The following SLC35F3 variants were observed in gnomAD, a reference collection of about 807,000 sequenced individuals.
SLC35F3 encodes solute carrier family 35 member F3, also known as putative thiamine transporter SLC35F3.
A neutral mutation model predicts 49.9 loss-of-function variants in SLC35F3; 25 were observed. That is an observed-to-expected ratio of 0.50 (90% confidence interval 0.37 to 0.70). The LOEUF is 0.70. Among genes scored for constraint, SLC35F3 ranks in the 30% least tolerant of loss-of-function variants. SLC35F3 has a pLI of 0.00. For synonymous variants in SLC35F3, 275 were observed against 265.4 expected (o/e 1.04, Z -0.35); for missense variants, 525 against 639.8 (o/e 0.82, Z 1.94).
At chr1:234,021,447 C>T (rs1405384871) in intron 2 of SLC35F3, among the ~76,000 whole-genome samples, 2 of 152,162 alleles carry the variant, frequency 1.3e-5, no homozygotes, top group Admixed American at 1.3e-4. Context: ...AATGGCCCTA[C>T]CATTTAAAAT....
At position 234,092,821 on chromosome 1, in the gene SLC35F3, T is replaced by C. The variant is rs113774112; in HGVS notation, c.284-138596T>C. Among the ~76,000 whole-genome samples, 675 of 152,254 alleles carry C rather than the reference T, an allele frequency of 4.4e-3. 8 individuals carry two copies. Among genetic ancestry groups the C allele is most frequent in the African/African-American group, 0.015 (629 of 41,546 alleles). On this transcript the variant is annotated intron_variant, in intron 2 of 7. Transcript: ENST00000366618. Reference sequence around the variant, plus strand: ...AGTTCGAGGCTGCAGTGACCCATAATTGCACCAGTGCACTCCAGCCTGGAT... The same window carrying C: ...AGTTCGAGGCTGCAGTGACCCATAACTGCACCAGTGCACTCCAGCCTGGAT...
intron 3 of SLC35F3, among the ~76,000 whole-genome samples, chr1:234,278,517 G>A (rs547795): frequency 0.9 from 136,251 of 150,872 alleles, 61,529 homozygotes; most frequent in East Asian, 0.99. Context: ...GAAAAAAAAA[G>A]AGAAAAAACT....
intron 3 of SLC35F3, among the ~76,000 whole-genome samples, chr1:234,278,362 G>A (rs1000791188): frequency 2.6e-5 from 4 of 151,870 alleles, no homozygotes; most frequent in African/African-American, 9.7e-5. Flanking sequence ...CAATGGCACG[G>A]GCCTGTAGTC....
At chr1:234,077,972 C>G (rs1167579405) in intron 2 of SLC35F3, among the ~76,000 whole-genome samples, 1 of 152,176 alleles carries the variant, frequency 6.6e-6, no homozygotes. Context: ...TACTTCAGCT[C>G]TCCACCACTG....
chr1:234,139,993 A>G (rs185037230), intron 2 of SLC35F3, among the ~76,000 whole-genome samples: 1 of 139,548 alleles, frequency 7.2e-6, no homozygotes, highest in Admixed American at 7.1e-5. Context: ...ATAAAATAAA[A>G]TAAAATAAAG....
Position 234,280,340 on chromosome 1 carries a change from T to C in SLC35F3, c.609-28761T>C, listed in dbSNP as rs186242522. 2.8e-3 allele frequency among the ~76,000 whole-genome samples: 428 copies of C among 152,372 alleles called. 2 individuals are homozygous for C. The highest frequency in any genetic ancestry group is 9.8e-3 in the African/African-American group (407 of 41,588). On this transcript the variant is annotated intron_variant, in intron 3 of 7. Transcript: ENST00000366618. ...ATCTGCTCTCAGATGCCTAAGCACA[T>C]TGGTGATACAGAGAAGGGGCTATAA...
chr1:234,313,869 A>T (rs1411387210), intron 4 of SLC35F3, among the ~76,000 whole-genome samples: 1 of 152,246 alleles, frequency 6.6e-6, no homozygotes, highest in South Asian at 2.1e-4. Flanking sequence ...ACATATGTGC[A>T]TACTTTTTAA....
chr1:233,946,309 T>A (rs1360975907), intron 2 of SLC35F3, among the ~76,000 whole-genome samples: 1 of 152,248 alleles, frequency 6.6e-6, no homozygotes, highest in Non-Finnish European at 1.5e-5. Context: ...TCAGGATACA[T>A]GTTTCATCTG....
In SLC35F3 at chr1:234,092,162, T is replaced by G. The variant is rs550911975; in HGVS notation, c.284-139255T>G. On this transcript the variant is annotated intron_variant, in intron 2 of 7. Coordinates refer to ENST00000366618, the MANE Select transcript of SLC35F3 (RefSeq NM_173508.4). Reference sequence around the variant, plus strand: ...CCCAGAGGGAAGTTTCTCCTGGAGGTTTAAGTTCCAAAAACATTCTGCCAG... The same window carrying G: ...CCCAGAGGGAAGTTTCTCCTGGAGGGTTAAGTTCCAAAAACATTCTGCCAG... Among the ~76,000 whole-genome samples the G allele has an allele frequency of 2.0e-5, 3 of 152,250 alleles. No individual in the cohort carries two copies. In the South Asian group the frequency reaches 6.2e-4, roughly 32 times the overall value.
intron 2 of SLC35F3, among the ~76,000 whole-genome samples, chr1:233,927,875 T>G (rs552538705): frequency 3.9e-5 from 6 of 152,274 alleles, no homozygotes; most frequent in African/African-American, 1.4e-4. Context: ...TTAGATTCCT[T>G]AAATAGATAT....
chr1:234,199,778 TCAAA>T (rs1408526472), intron 2 of SLC35F3, among the ~76,000 whole-genome samples: 5 of 151,778 alleles, frequency 3.3e-5, no homozygotes, highest in African/African-American at 1.2e-4. Context: ...AATAAGTAAC[TCAAA>T]CAACTCAATA....
chr1:233,929,861 T>G (rs531856507), intron 2 of SLC35F3, among the ~76,000 whole-genome samples: 2 of 152,176 alleles, frequency 1.3e-5, no homozygotes, highest in Non-Finnish European at 2.9e-5. Flanking sequence ...GTAAAGGATG[T>G]TGTGCCACTG....
Position 234,231,846 on chromosome 1 carries a change from G to A in SLC35F3, c.608+105G>A. On this transcript the variant is annotated intron_variant, in intron 3 of 7. Coordinates refer to ENST00000366618, the MANE Select transcript of SLC35F3 (RefSeq NM_173508.4). This position sits in a 1 kb window ranked among gnomAD's most constrained non-coding sequence, Gnocchi z 5.4. ...GGCAGGCGCTGGGATGAGCCGGTGG[G>A]AGCCCGTGGAGAGATGTTGCAGTGA... The A allele has an allele frequency of 9.1e-7, 1 of 1,093,804 alleles. No homozygotes were observed. Among genetic ancestry groups the A allele is most frequent in the Non-Finnish European group, 1.3e-6 (1 of 750,056 alleles). 67.8% of individuals were successfully genotyped at this position (1,093,804 alleles called of 1,614,324 possible). A position where few individuals can be genotyped will look rare whatever the true frequency, so the allele number is the denominator to read the frequency against.
chr1:234,073,149 G>C (rs925227510), intron 2 of SLC35F3, among the ~76,000 whole-genome samples: 3 of 152,048 alleles, frequency 2.0e-5, no homozygotes, highest in Non-Finnish European at 4.4e-5. Flanking sequence ...ATTTCCTTTT[G>C]ATTTTTATTT....
At chr1:234,232,537 A>AG (rs1245426393) in intron 3 of SLC35F3, among the ~76,000 whole-genome samples, 1 of 149,112 alleles carries the variant, frequency 6.7e-6, no homozygotes, top group African/African-American at 2.5e-5. Flanking sequence ...AAAAAAAAAA[A>AG]AAAGAAAAAG....
chr1:234,232,081 G>A (rs1275908284), intron 3 of SLC35F3, among the ~76,000 whole-genome samples: 1 of 152,136 alleles, frequency 6.6e-6, no homozygotes, highest in Non-Finnish European at 1.5e-5. Context: ...GCAAGCTTGG[G>A]GTGAGGACCG....
At chr1:234,175,226 C>A (rs916151018) in intron 2 of SLC35F3, among the ~76,000 whole-genome samples, 4 of 152,240 alleles carry the variant, frequency 2.6e-5, no homozygotes, top group Non-Finnish European at 5.9e-5. Context: ...GAGGCTCTAG[C>A]AGTATCTGCC....
At chr1:233,995,986 A>C (rs1663453632) in intron 2 of SLC35F3, among the ~76,000 whole-genome samples, 1 of 152,232 alleles carries the variant, frequency 6.6e-6, no homozygotes, top group Admixed American at 6.5e-5. Flanking sequence ...AGTGCCTGGC[A>C]GACTTATCAA....
intron 2 of SLC35F3, among the ~76,000 whole-genome samples, chr1:233,914,514 A>T (rs902578855): frequency 6.6e-6 from 1 of 152,180 alleles, no homozygotes; most frequent in Non-Finnish European, 1.5e-5. Context: ...GTTGTGTGCA[A>T]CTACAGGCTC....
Sources: allele counts gnomAD v4.1 joint callset (sites outside exome capture counted in the v4.1 genomes callset), GRCh38; gene constraint gnomAD v4.1.1; non-coding constraint Gnocchi (gnomAD v3.1); transcripts MANE v1.5; gene names NCBI Gene and HGNC (gene_info 2026-07-23, HGNC 2026-07-21).